ARB2A: variants seen among roughly 807,000 people sequenced by gnomAD.
The protein encoded by ARB2A is cotranscriptional regulator ARB2A.
the ARB2A span, among the ~76,000 whole-genome samples, chr5:93,766,895 T>A: frequency 6.6e-6 from 1 of 152,172 alleles, no homozygotes; most frequent in Non-Finnish European, 1.5e-5. Flanking sequence ...TGTAGGGACA[T>A]GGATGACGAT....
chr5:94,050,899 A>G, the ARB2A span: 2 of 1,084,046 alleles, frequency 1.8e-6, no homozygotes, highest in Non-Finnish European at 2.6e-6. Context: ...ACAGTACAAC[A>G]AAGAATGTCT....
the ARB2A span, among the ~76,000 whole-genome samples, chr5:93,851,501 G>C: frequency 6.6e-6 from 1 of 152,120 alleles, no homozygotes; most frequent in Admixed American, 6.5e-5. Context: ...TGTGCACAAT[G>C]TGCAGGTTAG....
the ARB2A span, among the ~76,000 whole-genome samples, chr5:93,972,848 G>A: frequency 1.3e-5 from 2 of 151,722 alleles, no homozygotes; most frequent in Admixed American, 6.6e-5. Context: ...GGTCAAAGCA[G>A]GAGGATCTCT....
the ARB2A span, among the ~76,000 whole-genome samples, chr5:93,750,513 A>T: frequency 6.6e-6 from 1 of 152,062 alleles, no homozygotes; most frequent in Admixed American, 6.6e-5. Flanking sequence ...TTGTGGCCTT[A>T]AATTAACAAT....
the ARB2A span, chr5:93,958,860 C>T: frequency 6.2e-7 from 1 of 1,609,808 alleles, no homozygotes; most frequent in Non-Finnish European, 8.5e-7. Context: ...CACTGCCCTG[C>T]CCTGACAACA....
the ARB2A span, among the ~76,000 whole-genome samples, chr5:93,700,579 C>T: frequency 6.6e-6 from 1 of 151,942 alleles, no homozygotes; most frequent in African/African-American, 2.4e-5. Context: ...TTACTATCTC[C>T]TGCAGCAGAA....
At chr5:93,806,485 T>C in the ARB2A span, among the ~76,000 whole-genome samples, 17 of 151,894 alleles carry the variant, frequency 1.1e-4, no homozygotes, top group Admixed American at 4.6e-4. Flanking sequence ...AGTAACTCTA[T>C]TTATAAACAC....
the ARB2A span, chr5:94,074,548 T>G: frequency 1.1e-6 from 1 of 891,638 alleles, no homozygotes; most frequent in Non-Finnish European, 1.7e-6. Flanking sequence ...ACTTATATTC[T>G]TATTTTAGAT....
the ARB2A span, among the ~76,000 whole-genome samples, chr5:93,961,249 A>G: frequency 6.6e-6 from 1 of 152,100 alleles, no homozygotes; most frequent in Non-Finnish European, 1.5e-5. Context: ...CACCTTCATG[A>G]AAAAACCTGT....
the ARB2A span, among the ~76,000 whole-genome samples, chr5:93,962,810 A>G: frequency 1.3e-5 from 2 of 152,168 alleles, no homozygotes; most frequent in South Asian, 4.1e-4. Context: ...ATGATGCTTA[A>G]GTTTCATATA....
the ARB2A span, among the ~76,000 whole-genome samples, chr5:94,048,051 C>CTTTTTTTTTTTTTTTTTT: frequency 2.1e-5 from 2 of 96,086 alleles, no homozygotes; most frequent in African/African-American, 8.0e-5. Context: ...AATCGGTAAG[C>CTTTTTTTTTTTTTTTTTT]TTTTTTTTTT....
the ARB2A span, among the ~76,000 whole-genome samples, chr5:93,924,137 C>T: frequency 1.3e-5 from 2 of 151,896 alleles, no homozygotes; most frequent in African/African-American, 4.8e-5. Flanking sequence ...CAGAGAACCT[C>T]GATTATTCTA....
the ARB2A span, among the ~76,000 whole-genome samples, chr5:93,874,559 C>A: frequency 6.6e-6 from 1 of 152,138 alleles, no homozygotes; most frequent in Non-Finnish European, 1.5e-5. Flanking sequence ...TTGATTGTCC[C>A]TAAGTTGCAT....
the ARB2A span, among the ~76,000 whole-genome samples, chr5:93,752,056 TA>T: frequency 6.6e-6 from 1 of 151,948 alleles, no homozygotes; most frequent in Non-Finnish European, 1.5e-5. Context: ...CTGGAAGCCA[TA>T]AAGACATGGC....
chr5:94,011,717 C>T, the ARB2A span, among the ~76,000 whole-genome samples: 1 of 151,802 alleles, frequency 6.6e-6, no homozygotes, highest in East Asian at 1.9e-4. Context: ...TTCGGTTTTG[C>T]ACATGTAGAA....
At chr5:93,859,299 G>T in the ARB2A span, among the ~76,000 whole-genome samples, 1 of 151,822 alleles carries the variant, frequency 6.6e-6, no homozygotes. Context: ...AATAAATAGG[G>T]TCAGGATAAT....
chr5:93,824,475 A>T, the ARB2A span, among the ~76,000 whole-genome samples: 9 of 152,160 alleles, frequency 5.9e-5, no homozygotes, highest in Non-Finnish European at 1.2e-4. Context: ...AAATAGAATT[A>T]AAAGATAAAA....
At chr5:93,716,124 TA>T in the ARB2A span, among the ~76,000 whole-genome samples, 1 of 152,172 alleles carries the variant, frequency 6.6e-6, no homozygotes, top group Non-Finnish European at 1.5e-5. Flanking sequence ...GAAGGAGGTT[TA>T]ATAAGGTGAA....
the ARB2A span, among the ~76,000 whole-genome samples, chr5:93,753,957 C>G: frequency 6.6e-6 from 1 of 152,120 alleles, no homozygotes; most frequent in Non-Finnish European, 1.5e-5. Context: ...ATGTCAAGAT[C>G]CCCTCACAAT....
Sources: allele counts gnomAD v4.1 joint callset (sites outside exome capture counted in the v4.1 genomes callset), GRCh38; gene constraint gnomAD v4.1.1; transcripts MANE v1.5; gene names NCBI Gene and HGNC (gene_info 2026-07-23, HGNC 2026-07-21).